DNAH12: variants seen among roughly 807,000 people sequenced by gnomAD.
The protein encoded by DNAH12 is axonemal beta dynein heavy chain 12.
Under a neutral mutation model 371.5 loss-of-function variants are expected in DNAH12, and 285 were observed. The observed-to-expected ratio is 0.77, with a 90% CI of 0.70 to 0.85. DNAH12 has a LOEUF of 0.85. Among genes scored for constraint, DNAH12 ranks in the 40% least tolerant of loss-of-function variants. DNAH12 has a pLI of 0.00. For missense variants in DNAH12, 3,611 were observed against 3,689.4 expected (o/e 0.98, Z 0.55); for synonymous variants, 1,200 against 1,213.0 (o/e 0.99, Z 0.22).
intron 49 of DNAH12, among the ~76,000 whole-genome samples, chr3:57,383,484 G>A (rs2063437688): frequency 1.2e-5 from 1 of 85,786 alleles, no homozygotes; most frequent in Admixed American, 1.1e-4. Context: ...TGGTCACCTA[G>A]AATGGAGTGC....
At chr3:57,425,883 A>G (rs1349825449) in intron 34 of DNAH12, among the ~76,000 whole-genome samples, 1 of 152,234 alleles carries the variant, frequency 6.6e-6, no homozygotes, top group African/African-American at 2.4e-5. Context: ...AAAATGGATG[A>G]TATTAAAATT....
chr3:57,319,482 G>A (rs2061757829), intron 65 of DNAH12, among the ~76,000 whole-genome samples: 1 of 152,100 alleles, frequency 6.6e-6, no homozygotes, highest in Non-Finnish European at 1.5e-5. Context: ...GTTTTTCCAT[G>A]GTTGAGTATA....
rs962034071 is a variant in DNAH12 at position 57,510,980 on chromosome 3, C to T, written c.280-1G>A. On this transcript the variant is annotated splice_acceptor_variant, in intron 4 of 73. Coordinates refer to ENST00000495027, the MANE Select transcript of DNAH12 (RefSeq NM_001366028.2). LOFTEE classifies it high-confidence loss of function. ...ATTGCTTCATATAAATATAGTTGAA[C>T]TGAGAACATAAGAAAAAATTAAATG... The T allele has an allele frequency of 6.3e-7, 1 of 1,583,216 alleles. No individual in the cohort carries two copies. Among genetic ancestry groups the T allele is most frequent in the Non-Finnish European group, 8.5e-7 (1 of 1,171,502 alleles).
At chr3:57,359,485 GGAGGCAGAGGTTGCTGT>G (rs2062873194) in intron 58 of DNAH12, among the ~76,000 whole-genome samples, 3 of 150,768 alleles carry the variant, frequency 2.0e-5, no homozygotes, top group Admixed American at 2.0e-4. Context: ...CTTGAACCCG[GGAGGCAGAGGTTGCTGT>G]GAGCCGAGAT....
At position 57,405,153 on chromosome 3, in the gene DNAH12, G is replaced by C; in HGVS notation, c.6577-6C>G. The C allele has an allele frequency of 6.7e-7, 1 of 1,501,132 alleles. No individual in the cohort carries two copies. The highest frequency in any genetic ancestry group is 8.8e-7 in the Non-Finnish European group (1 of 1,132,694). 93.0% of individuals were successfully genotyped at this position (1,501,132 alleles called of 1,614,324 possible). ...CTTAAGTCTTCTTCAGTTACCTATA[G>C]AAAGGAAATCAACAAATTTTAAAAC... is the stretch of plus-strand genomic sequence containing the variant. On this transcript the variant is annotated splice_polypyrimidine_tract_variant and splice_region_variant and intron_variant, in intron 41 of 73. Coordinates refer to ENST00000495027, the MANE Select transcript of DNAH12 (RefSeq NM_001366028.2).
chr3:57,361,444 C>CACTATACATATATATATATATATATATA (rs1409626573), intron 58 of DNAH12, among the ~76,000 whole-genome samples: 1 of 116,720 alleles, frequency 8.6e-6, no homozygotes, highest in African/African-American at 4.2e-5. Context: ...CACACACACA[C>CACTATACATATATATATATATATATATA]TATATATATA....
intron 11 of DNAH12, 74 bp downstream of exon 11, chr3:57,501,247 C>T (rs1014282868): frequency 1.1e-5 from 12 of 1,106,632 alleles, no homozygotes; most frequent in Non-Finnish European, 1.6e-5. Flanking sequence ...TAAGCATTTA[C>T]TTTTTAGAAT....
chr3:57,470,185 G>A (rs971473649), intron 16 of DNAH12, among the ~76,000 whole-genome samples: 6 of 151,750 alleles, frequency 4.0e-5, no homozygotes, highest in African/African-American at 1.5e-4. Flanking sequence ...CAACGTTTGA[G>A]GGAGGCATAT....
At chr3:57,313,182 G>C (rs960603082) in intron 66 of DNAH12, among the ~76,000 whole-genome samples, 4 of 152,124 alleles carry the variant, frequency 2.6e-5, no homozygotes, top group African/African-American at 9.7e-5. Flanking sequence ...ACCTGGGCTT[G>C]GCTACTCAGA....
intron 39 of DNAH12, among the ~76,000 whole-genome samples, chr3:57,410,968 T>C (rs2064183178): frequency 6.6e-6 from 1 of 151,768 alleles, no homozygotes; most frequent in African/African-American, 2.4e-5. Flanking sequence ...AGGAACAAGA[T>C]AAAAATGTCC....
At chr3:57,462,567 A>G (rs989046588) in intron 18 of DNAH12, 123 bp downstream of exon 18, 9 of 1,150,452 alleles carry the variant, frequency 7.8e-6, no homozygotes, top group Non-Finnish European at 1.1e-5. Flanking sequence ...GTGGTCTTCT[A>G]TCACTCTCCC....
rs375198030 is a variant in DNAH12 at position 57,540,719 on chromosome 3, C to G, written c.170+1982G>C. Among the ~76,000 whole-genome samples, 41 of 152,170 alleles carry G rather than the reference C, an allele frequency of 2.7e-4. No homozygotes were observed. The South Asian group carries it at 4.3e-3, about 16-fold the overall frequency. On this transcript the variant is annotated intron_variant, in intron 2 of 73. Coordinates refer to ENST00000495027, the MANE Select transcript of DNAH12 (RefSeq NM_001366028.2). ...CCAAGGCAGATGGATCACTTAAGCCCAGGAATTTGAGACCAGACTGGGCAA... is the reference window on the plus strand; with the variant it reads ...CCAAGGCAGATGGATCACTTAAGCCGAGGAATTTGAGACCAGACTGGGCAA...
chr3:57,323,561 G>A lies in DNAH12; in HGVS notation c.10037C>T (p.Pro3346Leu), dbSNP rs74675218. The A allele has an allele frequency of 3.2e-6, 5 of 1,550,638 alleles. No homozygotes were observed. The East Asian group carries it at 1.2e-4, about 38-fold the overall frequency. ...ACTCTTTGTCAAATCAAATGGTGGA[G>A]GCTCTACAAACTTTTTCCCTAGTTT... ...TDKLGKKFVEPPPFDLTKSYL... is the reference protein window; with the variant it reads ...TDKLGKKFVELPPFDLTKSYL... Residue 3346 changes from proline to leucine, a missense_variant, in exon 63 of 74, where the codon CCT becomes CTT. Pro to Leu is a moderately conservative substitution (Grantham distance 98, BLOSUM62 -3). This residue lies in a region of DNAH12 where 2,266 missense variants were observed against 2,236.9 expected (regional missense o/e 1.01). Transcript: ENST00000495027.
rs1397579221 is a variant in DNAH12, at chr3:57,481,275, AACAG to A, written c.1650+2097_1650+2100del. Among the ~76,000 whole-genome samples the A allele has an allele frequency of 3.9e-5, 6 of 152,296 alleles. No homozygotes were observed. In the South Asian group the frequency reaches 1.0e-3, roughly 26 times the overall value. On this transcript the variant is annotated intron_variant, in intron 13 of 73. Coordinates refer to ENST00000495027, the MANE Select transcript of DNAH12 (RefSeq NM_001366028.2). ...ATCACAAGCATTCTTATACACCAATAACAGACAAACAGAGAGCCAAATCACGAGT... is the reference window on the plus strand; with the variant it reads ...ATCACAAGCATTCTTATACACCAATAACAAACAGAGAGCCAAATCACGAGT...
At chr3:57,322,527 G>C (rs370973205) in intron 64 of DNAH12, 44 bp from the exon 65 acceptor site, 108 of 1,530,526 alleles carry the variant, frequency 7.1e-5, no homozygotes, top group Admixed American at 2.3e-4. Flanking sequence ...ATAGCAAGTG[G>C]AGGCTCTAAA....
Position 57,504,133 on chromosome 3 carries a change from C to A in DNAH12, c.969G>T (p.Leu323=), listed in dbSNP as rs2067661698. The A allele has an allele frequency of 6.2e-7, 1 of 1,613,738 alleles. No homozygotes were observed. Among genetic ancestry groups the A allele is most frequent in the African/African-American group, 1.3e-5 (1 of 74,912 alleles). The change falls in exon 9 of 74, where the codon CTG becomes CTT. Residue 323 remains leucine (L), a synonymous_variant. Coordinates refer to ENST00000495027, the MANE Select transcript of DNAH12 (RefSeq NM_001366028.2). The stretch of plus-strand genomic sequence containing the variant: ...ATGTCAATTCTATCTTAAATATTGG[C>A]AGCCTTTGTTGATCTTTTGGGTCAA... ...KLFDPKDQQR[L]PIFKIELTFD...
At chr3:57,414,578 C>T (rs1404482227) in intron 38 of DNAH12, among the ~76,000 whole-genome samples, 4 of 152,218 alleles carry the variant, frequency 2.6e-5, no homozygotes, top group African/African-American at 9.6e-5. Context: ...TTCTGTTGTT[C>T]CCTTCTTTGT....
intron 43 of DNAH12, among the ~76,000 whole-genome samples, chr3:57,400,796 A>G (rs2153351007): frequency 6.6e-6 from 1 of 152,344 alleles, no homozygotes; most frequent in South Asian, 2.1e-4. Context: ...CCCACTTTCA[A>G]TAATGGATAG....
chr3:57,436,026 T>C (rs1418987552), intron 30 of DNAH12, among the ~76,000 whole-genome samples: 1 of 151,824 alleles, frequency 6.6e-6, no homozygotes, highest in Non-Finnish European at 1.5e-5. Context: ...ACTTCATATG[T>C]GCCCAGAGAA....
Sources: gnomAD v4.1 joint callset for allele counts (sites outside exome capture counted in the v4.1 genomes callset) on GRCh38, gnomAD v4.1.1 for gene constraint, gnomAD v4.1.1 regional missense constraint, MANE v1.5 for transcripts, NCBI Gene and HGNC (gene_info 2026-07-23, HGNC 2026-07-21) for gene names.